KPNB1: variants seen among roughly 807,000 people sequenced by gnomAD.
KPNB1 encodes the protein karyopherin subunit beta 1.
In KPNB1, 7 loss-of-function variants were observed where a neutral mutation model predicts 113.0. The ratio of observed to expected loss-of-function variants is 0.06; its 90% CI spans 0.04 to 0.12. The LOEUF (loss-of-function observed/expected upper bound fraction) is 0.12. Among genes scored for constraint, KPNB1 ranks in the 10% least tolerant of loss-of-function variants. The pLI, the probability that KPNB1 is intolerant of heterozygous loss-of-function variation, is 1.00. For synonymous variants in KPNB1, 363 were observed against 378.6 expected (o/e 0.96, Z 0.48); for missense variants, 400 against 1,054.8 (o/e 0.38, Z 8.60).
At chr17:47,654,472 G>T (rs963461319) in intron 3 of KPNB1, among the ~76,000 whole-genome samples, 1 of 151,714 alleles carries the variant, frequency 6.6e-6, no homozygotes, top group African/African-American at 2.4e-5. Context: ...TAAGCCCTCG[G>T]GCATGAGAAA....
intron 2 of KPNB1, 87 bp from the exon 3 acceptor site, chr17:47,652,607 C>A: frequency 9.1e-7 from 1 of 1,094,118 alleles, no homozygotes; most frequent in Non-Finnish European, 1.3e-6. Flanking sequence ...CTCGCCGCCC[C>A]TCTGGTGGTT....
intron 9 of KPNB1, among the ~76,000 whole-genome samples, chr17:47,667,553 T>C (rs1423270260): frequency 6.6e-6 from 1 of 151,916 alleles, no homozygotes; most frequent in African/African-American, 2.4e-5. Flanking sequence ...TTATTATTTT[T>C]AATACTATGT....
chr17:47,672,221 G>A (rs545566083), intron 12 of KPNB1, among the ~76,000 whole-genome samples: 7 of 152,072 alleles, frequency 4.6e-5, no homozygotes, highest in Admixed American at 4.6e-4. Context: ...GGCCAGGCTG[G>A]TCACAAACTC....
chr17:47,676,594 C>T, intron 16 of KPNB1, 103 bp downstream of exon 16: 4 of 841,100 alleles, frequency 4.8e-6, no homozygotes, highest in Non-Finnish European at 7.8e-6. Flanking sequence ...TTTCCTGATA[C>T]ATTGTCCTAA....
At chr17:47,657,136 A>T in intron 4 of KPNB1, 76 bp downstream of exon 4, 2 of 1,196,598 alleles carry the variant, frequency 1.7e-6, no homozygotes, top group Non-Finnish European at 2.4e-6. Flanking sequence ...TATTAGTACT[A>T]CCTTATTGAA....
chr17:47,661,069 A>G (rs2030078452), intron 5 of KPNB1, 50 bp from the exon 6 acceptor site: 2 of 1,437,222 alleles, frequency 1.4e-6, no homozygotes, highest in Non-Finnish European at 2.0e-6. Context: ...AAATCTTCCT[A>G]CGTACAGGTT....
At chr17:47,671,526 T>C (rs2030446301) in intron 12 of KPNB1, among the ~76,000 whole-genome samples, 1 of 128,668 alleles carries the variant, frequency 7.8e-6, no homozygotes, top group Non-Finnish European at 1.7e-5. Context: ...ATTTTTATTT[T>C]ATTTTATTAA....
rs1192815662 is a variant in KPNB1, at chr17:47,666,534, ATATAT to A, written c.999+1382_999+1386del. ...TATTATATTTTATATGTATTATGTT[ATATAT>A]TATATATTATATATTATGTTATATG... On this transcript the variant is annotated intron_variant, in intron 9 of 21. Coordinates refer to ENST00000290158, the MANE Select transcript of KPNB1 (RefSeq NM_002265.6). 6.0e-4 allele frequency among the ~76,000 whole-genome samples: 61 copies of A among 101,532 alleles called. No individual in the cohort carries two copies. The South Asian group carries it at 0.02, about 33-fold the overall frequency. The allele number at this position is 101,532 out of a possible 152,430, so 66.6% of individuals were successfully genotyped here. A position where few individuals can be genotyped will look rare whatever the true frequency, so the allele number is the denominator to read the frequency against.
At chr17:47,663,551 C>T (rs1428915523) in intron 7 of KPNB1, among the ~76,000 whole-genome samples, 2 of 152,136 alleles carry the variant, frequency 1.3e-5, no homozygotes, top group Non-Finnish European at 2.9e-5. Flanking sequence ...GTAATCCCAG[C>T]TACTCTGGAG....
At chr17:47,673,585 A>C in intron 14 of KPNB1, 24 bp downstream of exon 14, 1 of 1,554,814 alleles carries the variant, frequency 6.4e-7, no homozygotes, top group East Asian at 2.2e-5. Context: ...TTATGACTTA[A>C]TAACTCCAGG....
intron 21 of KPNB1, 47 bp downstream of exon 21, chr17:47,680,716 G>T: frequency 6.4e-7 from 1 of 1,566,148 alleles, no homozygotes; most frequent in East Asian, 2.3e-5. Flanking sequence ...TCCTGGAGGA[G>T]GGGGGTATGT....
chr17:47,680,232 G>A (rs7210738), intron 20 of KPNB1, 98 bp downstream of exon 20: 466,166 of 876,998 alleles, frequency 0.53, 126,369 homozygotes, highest in East Asian at 0.65. Flanking sequence ...GATGGCAACA[G>A]TTCACTTTTT....
At chr17:47,672,306 C>CAAA (rs35344546) in intron 12 of KPNB1, among the ~76,000 whole-genome samples, 13 of 150,702 alleles carry the variant, frequency 8.6e-5, no homozygotes, top group African/African-American at 3.2e-4. Flanking sequence ...CTGTGCCCAT[C>CAAA]AAAAAAAAAA....
Position 47,658,694 on chromosome 17 carries a change from C to T in KPNB1, c.636+34C>T, listed in dbSNP as rs941512023. The T allele has an allele frequency of 1.9e-6, 3 of 1,575,350 alleles. No homozygotes were observed. In the African/African-American group the frequency reaches 4.1e-5, roughly 21 times the overall value. On this transcript the variant is annotated intron_variant, in intron 5 of 21. Transcript: ENST00000290158. ...TTTGACAATAAGGTATAGATTCAGA[C>T]AGTAAGGGATGAAAGAGTTGAATGA...
chr17:47,664,466 C>T (rs1270103617), intron 8 of KPNB1, among the ~76,000 whole-genome samples, 197 bp downstream of exon 8: 1 of 152,094 alleles, frequency 6.6e-6, no homozygotes, highest in Admixed American at 6.6e-5. Context: ...TCTTGCCAAG[C>T]AGTCAGGCAT....
In KPNB1 at chr17:47,677,753, T is replaced by C. The variant is rs148206304; in HGVS notation, c.2104-293T>C. Among the ~76,000 whole-genome samples, 5 of 152,312 alleles carry C rather than the reference T, an allele frequency of 3.3e-5. No individual in the cohort carries two copies. The East Asian group carries it at 9.6e-4, about 29-fold the overall frequency. On this transcript the variant is annotated intron_variant, in intron 17 of 21. Transcript: ENST00000290158. ...TCAAACCATCATGAGCAGGGGACCA[T>C]TTGTATATTATACCTCTCTCCAGAG...
chr17:47,650,134 A>ACCCCACCCTCCCTTCCCACCCGAC lies in KPNB1; in HGVS notation c.-105_-82dup. The stretch of plus-strand genomic sequence containing the variant: ...GGGTTTGTGGTGACCCCCGCCCCCC[A>ACCCCACCCTCCCTTCCCACCCGAC]CCCCACCCTCCCTTCCCACCCGACC... On this transcript the variant is annotated 5_prime_UTR_variant, in exon 1 of 22. Transcript: ENST00000290158. 1 of 196,776 alleles carries ACCCCACCCTCCCTTCCCACCCGAC rather than the reference A, an allele frequency of 5.1e-6. No individual in the cohort carries two copies. The highest frequency in any genetic ancestry group is 6.6e-6 in the Non-Finnish European group (1 of 150,956). The allele number at this position is 196,776 out of a possible 1,614,324, so 12.2% of individuals were successfully genotyped here. A position where few individuals can be genotyped will look rare whatever the true frequency, so the allele number is the denominator to read the frequency against.
intron 14 of KPNB1, 157 bp downstream of exon 14, chr17:47,673,718 A>G: frequency 1.6e-6 from 1 of 624,828 alleles, no homozygotes; most frequent in Non-Finnish European, 2.9e-6. Context: ...GTTGATTGGG[A>G]GAGGAATTCC....
intron 6 of KPNB1, among the ~76,000 whole-genome samples, chr17:47,661,421 G>A (rs1181629409): frequency 6.6e-6 from 1 of 152,016 alleles, no homozygotes; most frequent in Non-Finnish European, 1.5e-5. Context: ...CCAACATGGT[G>A]AAACCCTGTC....
Sources: allele counts gnomAD v4.1 joint callset (sites outside exome capture counted in the v4.1 genomes callset), GRCh38; gene constraint gnomAD v4.1.1; transcripts MANE v1.5; gene names NCBI Gene and HGNC (gene_info 2026-07-23, HGNC 2026-07-21).